HEATR1: variants seen among roughly 807,000 people sequenced by gnomAD.
HEATR1 encodes HEAT repeat-containing protein 1.
A neutral mutation model predicts 248.2 loss-of-function variants in HEATR1; 77 were observed. The observed-to-expected ratio is 0.31, with a 90% CI of 0.26 to 0.37. The LOEUF is 0.37. Ranked by LOEUF, HEATR1 falls within the 10% of genes least tolerant of loss-of-function variation. The pLI is 1.00. For synonymous variants in HEATR1, 897 were observed against 923.1 expected (o/e 0.97, Z 0.51); for missense variants, 2,420 against 2,504.9 (o/e 0.97, Z 0.72).
At chr1:236,572,044 T>C (rs946110026) in intron 26 of HEATR1, among the ~76,000 whole-genome samples, 33 of 152,288 alleles carry the variant, frequency 2.2e-4, no homozygotes, top group African/African-American at 7.2e-4. Context: ...ATATAGAATA[T>C]ATACATCTAT....
intron 19 of HEATR1, among the ~76,000 whole-genome samples, chr1:236,581,960 T>C (rs920447497): frequency 6.6e-6 from 1 of 152,222 alleles, no homozygotes; most frequent in East Asian, 1.9e-4. Flanking sequence ...GTAGCAATGT[T>C]AGTTTCTATT....
At chr1:236,583,836 CATAGTT>C (rs1252251998) in intron 17 of HEATR1, among the ~76,000 whole-genome samples, 2 of 152,100 alleles carry the variant, frequency 1.3e-5, no homozygotes, top group Non-Finnish European at 2.9e-5. Flanking sequence ...ATTGCCAAGA[CATAGTT>C]AAAGGGAATT....
At chr1:236,575,226 TA>T (rs1663534384) in intron 22 of HEATR1, among the ~76,000 whole-genome samples, 1 of 152,214 alleles carries the variant, frequency 6.6e-6, no homozygotes, top group Non-Finnish European at 1.5e-5. Flanking sequence ...TAAGATTCCC[TA>T]AAACACTGTA....
chr1:236,604,020 C>T lies in HEATR1; in HGVS notation c.76G>A (p.Val26Ile), dbSNP rs754955094. Residue 26 changes from valine (V) to isoleucine (I), a missense_variant, in exon 2 of 45, where the codon GTT becomes ATT. Transcript: ENST00000366582. ...TTAGGGTCAAATAACAAAGAAGCAA[C>T]TTCATCTCTAGATAAGAGGCTGGCA... is the stretch of plus-strand genomic sequence containing the variant. ...SDASLLSRDE[V>I]ASLLFDPKEA... is the part of the protein sequence containing the mutation. 1.4e-5 allele frequency: 23 copies of T among 1,598,956 alleles called. No homozygotes were observed. The highest frequency in any genetic ancestry group is 1.7e-6 in the Non-Finnish European group (2 of 1,174,488).
chr1:236,559,106 G>A lies in HEATR1; in HGVS notation c.4800C>T (p.Phe1600=), dbSNP rs777917829. 2 of 1,608,308 alleles carry A rather than the reference G, an allele frequency of 1.2e-6. No individual in the cohort carries two copies. The highest frequency in any genetic ancestry group is 1.7e-6 in the Non-Finnish European group (2 of 1,177,782). Residue 1600 remains phenylalanine, a synonymous_variant, in exon 35 of 45, where the codon TTC becomes TTT. Coordinates refer to ENST00000366582, the MANE Select transcript of HEATR1 (RefSeq NM_018072.6). ...CCACCAGCCCTCTGATCACAGGAATGAATGTCTCTGTGGGCAGCAAGGCAT... is the reference window on the plus strand; with the variant it reads ...CCACCAGCCCTCTGATCACAGGAATAAATGTCTCTGTGGGCAGCAAGGCAT... ...KVNALLPTET[F]IPVIRGLVGN... is the part of the protein sequence containing the mutation.
Position 236,558,400 on chromosome 1 carries a change from A to C in HEATR1, c.5041T>G (p.Phe1681Val), listed in dbSNP as rs145196748. The change falls in exon 36 of 45, where the codon TTT becomes GTT. Residue 1681 changes from phenylalanine (F) to valine (V), a missense_variant. Physicochemically the swap from Phe to Val is conservative, Grantham distance 50 (BLOSUM62 -1). Coordinates refer to ENST00000366582, the MANE Select transcript of HEATR1 (RefSeq NM_018072.6). Reference protein sequence around the residue: ...LYTLKLLCKNFGAENPDPFVP... With the variant: ...LYTLKLLCKNVGAENPDPFVP... ...AAAGGATCTGGATTTTCTGCACCAA[A>C]ATTCTTGCATAAAAGCTTTAAGGTA... The C allele has an allele frequency of 3.3e-4, 530 of 1,614,162 alleles. 2 individuals are homozygous for C. In the East Asian group the frequency reaches 4.7e-3, roughly 14 times the overall value.
chr1:236,557,307 C>T lies in HEATR1; in HGVS notation c.5243G>A (p.Ser1748Asn). ...GTAGACCTCGCTGGAGACCAGCTCGCTGGTGTTCTTCATTGTTGTCAGCAA... is the reference window on the plus strand; with the variant it reads ...GTAGACCTCGCTGGAGACCAGCTCGTTGGTGTTCTTCATTGTTGTCAGCAA... The part of the protein sequence containing the change: ...PSLLTTMKNT[S>N]ELVSSEVYLL... Residue 1748 changes from serine (S) to asparagine (N), a missense_variant, in exon 37 of 45, where the codon AGC (serine) becomes AAC (asparagine). Coordinates refer to ENST00000366582, the MANE Select transcript of HEATR1 (RefSeq NM_018072.6). The T allele has an allele frequency of 2.5e-6, 4 of 1,614,140 alleles. No individual in the cohort carries two copies. The highest frequency in any genetic ancestry group is 3.4e-6 in the Non-Finnish European group (4 of 1,180,018).
intron 3 of HEATR1, among the ~76,000 whole-genome samples, chr1:236,601,811 G>A: frequency 6.7e-6 from 1 of 148,802 alleles, no homozygotes. Flanking sequence ...GCCTGGGTGA[G>A]TGAAATCCTG....
intron 3 of HEATR1, 178 bp downstream of exon 3, chr1:236,602,982 C>A (rs767796110): frequency 1.2e-5 from 7 of 589,214 alleles, no homozygotes; most frequent in African/African-American, 1.9e-5. Flanking sequence ...CTACTTTTCA[C>A]TATCAACAAA....
intron 3 of HEATR1, among the ~76,000 whole-genome samples, chr1:236,602,098 CA>C (rs1309270162): frequency 6.6e-6 from 1 of 151,862 alleles, no homozygotes; most frequent in East Asian, 1.9e-4. Flanking sequence ...GAGATCGTGC[CA>C]CTGCACTCCA....
Position 236,585,088 on chromosome 1 carries a change from C to G in HEATR1, c.2178G>C (p.Ala726=). The change falls in exon 17 of 45, where the codon GCG becomes GCC. Residue 726 remains alanine (A), a synonymous_variant. Coordinates refer to ENST00000366582, the MANE Select transcript of HEATR1 (RefSeq NM_018072.6). ...SSLKETHFPF[A]IRVFSLLQKK... is the part of the protein sequence containing the mutation. ...TCTGCAACAAACTGAAGACTCTTAT[C>G]GCAAATGGAAAGTGGGTTTCTTTTA... 1 of 1,613,926 alleles carries G rather than the reference C, an allele frequency of 6.2e-7. No homozygotes were observed. The highest frequency in any genetic ancestry group is 8.5e-7 in the Non-Finnish European group (1 of 1,179,890).
intron 41 of HEATR1, 80 bp from the exon 42 acceptor site, chr1:236,554,832 TTAAAA>T (rs1662909686): frequency 1.6e-6 from 2 of 1,228,364 alleles, no homozygotes; most frequent in East Asian, 2.4e-5. Context: ...GAAATCACTA[TTAAAA>T]TAACTAAATC....
intron 11 of HEATR1, 142 bp from the exon 12 acceptor site, chr1:236,591,096 T>A (rs1196338608): frequency 4.9e-6 from 2 of 405,500 alleles, no homozygotes; most frequent in Non-Finnish European, 8.9e-6. Flanking sequence ...AACAAAAAAA[T>A]GCAAAATCTT....
At position 236,559,759 on chromosome 1, in the gene HEATR1, C is replaced by G. The variant is rs374099305; in HGVS notation, c.4725G>C (p.Lys1575Asn). 67 of 1,613,994 alleles carry G rather than the reference C, an allele frequency of 4.2e-5. No homozygotes were observed. The highest frequency in any genetic ancestry group is 5.4e-5 in the Non-Finnish European group (64 of 1,179,998). Residue 1575 changes from lysine (K) to asparagine (N), a missense_variant, in exon 34 of 45, where the codon AAG (lysine) becomes AAC (asparagine). By Grantham distance (94) the Lys-to-Asn change is moderately conservative. Transcript: ENST00000366582. ...CTTTACTAAGGAGCGCGCGCCAGAACTTCACGGTGAGTTTGTCTGCGTTCC... is the reference window on the plus strand; with the variant it reads ...CTTTACTAAGGAGCGCGCGCCAGAAGTTCACGGTGAGTTTGTCTGCGTTCC... ...MERNADKLTV[K>N]FWRALLSKAY...
Position 236,583,215 on chromosome 1 carries a change from C to A in HEATR1, c.2242-19G>T, listed in dbSNP as rs1262571867. On this transcript the variant is annotated intron_variant, in intron 17 of 44. Coordinates refer to ENST00000366582, the MANE Select transcript of HEATR1 (RefSeq NM_018072.6). Reference sequence around the variant, plus strand: ...GGATTTCCTGAAATGTTAAAGGAAACAAAAACTAGTACAAACTAAGGGTTC... The same window carrying A: ...GGATTTCCTGAAATGTTAAAGGAAAAAAAAACTAGTACAAACTAAGGGTTC... The A allele has an allele frequency of 5.1e-6, 8 of 1,567,600 alleles. No homozygotes were observed. Among genetic ancestry groups the A allele is most frequent in the African/African-American group, 1.4e-5 (1 of 72,700 alleles).
At chr1:236,595,735 TAAG>T in intron 7 of HEATR1, 62 bp from the exon 8 acceptor site, 1 of 1,530,940 alleles carries the variant, frequency 6.5e-7, no homozygotes, top group Non-Finnish European at 8.9e-7. Flanking sequence ...AGTAACAATA[TAAG>T]AAAATATATA....
Position 236,550,404 on chromosome 1 carries a change from G to A in HEATR1, c.*498C>T, listed in dbSNP as rs1662673981. The A allele has an allele frequency of 6.6e-6, 1 of 152,360 alleles. No individual in the cohort carries two copies. Among genetic ancestry groups the A allele is most frequent in the South Asian group, 2.1e-4 (1 of 4,844 alleles). 9.4% of individuals were successfully genotyped at this position (152,360 alleles called of 1,614,324 possible). On this transcript the variant is annotated 3_prime_UTR_variant, in exon 45 of 45. Coordinates refer to ENST00000366582, the MANE Select transcript of HEATR1 (RefSeq NM_018072.6). ...GCACAACAAAGAAACGAAGGCTGAA[G>A]TTCGCCTACCCAAAATGAAAAGTAG...
chr1:236,581,726 A>G (rs1663747761), intron 19 of HEATR1, among the ~76,000 whole-genome samples: 1 of 152,194 alleles, frequency 6.6e-6, no homozygotes, highest in African/African-American at 2.4e-5. Context: ...TCCATGTCAA[A>G]TGCTGTAGAG....
Position 236,603,341 on chromosome 1 carries a change from G to T in HEATR1, c.178C>A (p.Pro60Thr). Residue 60 changes from proline (P) to threonine (T), a missense_variant, in exon 3 of 45, where the codon CCT becomes ACT. Coordinates refer to ENST00000366582, the MANE Select transcript of HEATR1 (RefSeq NM_018072.6). ...GGTGCTTCAAACTGCTCAAAGGAAGGATCAATTCCAAGCAACTCTTCCAGG... is the reference window on the plus strand; with the variant it reads ...GGTGCTTCAAACTGCTCAAAGGAAGTATCAATTCCAAGCAACTCTTCCAGG... ...TGLEELLGID[P>T]SFEQFEAPLF... 1 of 1,614,064 alleles carries T rather than the reference G, an allele frequency of 6.2e-7. No individual in the cohort carries two copies. Among genetic ancestry groups the T allele is most frequent in the Non-Finnish European group, 8.5e-7 (1 of 1,179,998 alleles).
Sources: allele counts gnomAD v4.1 joint callset (sites outside exome capture counted in the v4.1 genomes callset), GRCh38; gene constraint gnomAD v4.1.1; transcripts MANE v1.5; gene names NCBI Gene and HGNC (gene_info 2026-07-23, HGNC 2026-07-21).